The following C8orf34 variants were observed in gnomAD, a reference collection of about 807,000 sequenced individuals.
C8orf34 encodes uncharacterized protein C8orf34.
C8orf34 carries 65 observed loss-of-function variants against 68.3 expected under a neutral mutation model. That is an observed-to-expected ratio of 0.95 (90% confidence interval 0.78 to 1.17). C8orf34 has a LOEUF of 1.17. C8orf34 is among the 50% of genes most tolerant of loss of function. C8orf34 has a pLI of 0.00. For synonymous variants in C8orf34, 244 were observed against 241.2 expected (o/e 1.01, Z -0.11); for missense variants, 664 against 655.4 (o/e 1.01, Z -0.14).
chr8:68,553,394 A>AAAAAAC (rs576800135), intron 7 of C8orf34, among the ~76,000 whole-genome samples: 49 of 102,118 alleles, frequency 4.8e-4, no homozygotes, highest in East Asian at 1.5e-3. Flanking sequence ...CAAAAAAAAA[A>AAAAAAC]AAAAAAAAAA....
At chr8:68,806,115 C>A (rs962509504) in intron 12 of C8orf34, among the ~76,000 whole-genome samples, 1 of 151,986 alleles carries the variant, frequency 6.6e-6, no homozygotes, top group Admixed American at 6.6e-5. Flanking sequence ...AAATGTTTAG[C>A]TTTGTATCTC....
chr8:68,632,001 A>G (rs1292224188), intron 7 of C8orf34, among the ~76,000 whole-genome samples: 1 of 152,192 alleles, frequency 6.6e-6, no homozygotes, highest in Non-Finnish European at 1.5e-5. Flanking sequence ...GCCTAAAGAT[A>G]CCTAAAAATG....
Position 68,378,350 on chromosome 8 carries a change from C to G in C8orf34, c.327+47011C>G, listed in dbSNP as rs531674763. On this transcript the variant is annotated intron_variant, in intron 1 of 13. Transcript: ENST00000518698. ...TTCTTTCTTATTTTTGAGACAGAGT[C>G]TCACTCCAGATTGGAGTGGAGTGGT... Among the ~76,000 whole-genome samples the G allele has an allele frequency of 8.7e-4, 133 of 152,080 alleles. 1 individual carries two copies. The highest frequency in any genetic ancestry group is 1.7e-3 in the Non-Finnish European group (118 of 68,022).
chr8:68,365,595 C>T lies in C8orf34; in HGVS notation c.327+34256C>T, dbSNP rs1394297721. On this transcript the variant is annotated intron_variant, in intron 1 of 13. Transcript: ENST00000518698. Reference sequence around the variant, plus strand: ...TGGGATGCAAGGCTGGTTCAATATACGCAAATCAATAAATGTAATCCAGCA... The same window carrying T: ...TGGGATGCAAGGCTGGTTCAATATATGCAAATCAATAAATGTAATCCAGCA... Among the ~76,000 whole-genome samples the T allele has an allele frequency of 5.7e-4, 37 of 64,746 alleles. 1 individual carries two copies. Among genetic ancestry groups the T allele is most frequent in the East Asian group, 4.9e-3 (15 of 3,034 alleles). The allele number at this position is 64,746 out of a possible 152,430, so 42.5% of individuals were successfully genotyped here. A position where few individuals can be genotyped will look rare whatever the true frequency, so the allele number is the denominator to read the frequency against.
chr8:68,618,145 G>A (rs183136447), intron 7 of C8orf34, among the ~76,000 whole-genome samples: 9 of 151,866 alleles, frequency 5.9e-5, no homozygotes, highest in Admixed American at 5.2e-4. Flanking sequence ...TAATTTTAAG[G>A]GATGTTTAAA....
intron 11 of C8orf34, among the ~76,000 whole-genome samples, chr8:68,779,763 A>G (rs1320742503): frequency 1.3e-5 from 2 of 152,206 alleles, no homozygotes; most frequent in Non-Finnish European, 2.9e-5. Context: ...ACGTTTTATC[A>G]TTCACGAAGG....
chr8:68,528,683 G>A (rs886547873), intron 6 of C8orf34, among the ~76,000 whole-genome samples: 4 of 152,126 alleles, frequency 2.6e-5, no homozygotes, highest in Non-Finnish European at 5.9e-5. Flanking sequence ...GGTGCTACCC[G>A]GCAATGCAGC....
chr8:68,500,699 G>T (rs1475775988), intron 5 of C8orf34, among the ~76,000 whole-genome samples: 3 of 152,046 alleles, frequency 2.0e-5, no homozygotes, highest in African/African-American at 7.2e-5. Flanking sequence ...AAATGGTAGG[G>T]CAAAGTGTCA....
chr8:68,543,616 G>C (rs1815771914), intron 7 of C8orf34, among the ~76,000 whole-genome samples: 2 of 152,108 alleles, frequency 1.3e-5, no homozygotes, highest in Non-Finnish European at 2.9e-5. Flanking sequence ...AATTTACCCA[G>C]ATTACATAGT....
intron 8 of C8orf34, among the ~76,000 whole-genome samples, chr8:68,678,302 C>A (rs895296545): frequency 2.0e-5 from 3 of 152,098 alleles, no homozygotes; most frequent in African/African-American, 7.2e-5. Flanking sequence ...CAACTATACA[C>A]CAATATCTCT....
chr8:68,640,281 TAAC>T (rs1298797303), intron 7 of C8orf34, 92 bp from the exon 8 acceptor site: 2 of 1,178,508 alleles, frequency 1.7e-6, no homozygotes, highest in African/African-American at 1.5e-5. Context: ...TTGTTTTGCT[TAAC>T]AAACTAATGG....
intron 10 of C8orf34, among the ~76,000 whole-genome samples, chr8:68,725,233 A>C (rs1821795882): frequency 6.6e-6 from 1 of 152,208 alleles, no homozygotes. Flanking sequence ...GAAGATAATT[A>C]AGAAAGACCA....
At chr8:68,792,984 C>A (rs1041206567) in intron 12 of C8orf34, among the ~76,000 whole-genome samples, 1 of 151,770 alleles carries the variant, frequency 6.6e-6, no homozygotes, top group African/African-American at 2.4e-5. Flanking sequence ...TGTATACATA[C>A]ACAAACATAC....
intron 7 of C8orf34, among the ~76,000 whole-genome samples, chr8:68,559,760 G>C (rs1191774858): frequency 6.6e-6 from 1 of 152,152 alleles, no homozygotes; most frequent in Non-Finnish European, 1.5e-5. Context: ...AATTTGAGAA[G>C]GGAGTCGGTT....
intron 8 of C8orf34, among the ~76,000 whole-genome samples, chr8:68,654,463 C>G (rs1032626889): frequency 2.0e-5 from 3 of 152,018 alleles, no homozygotes; most frequent in African/African-American, 7.2e-5. Context: ...ATTTACTTTC[C>G]TCCTCTAGAT....
chr8:68,610,117 A>G (rs1473966707), intron 7 of C8orf34, among the ~76,000 whole-genome samples: 1 of 152,200 alleles, frequency 6.6e-6, no homozygotes, highest in Non-Finnish European at 1.5e-5. Context: ...ATACTTATGT[A>G]ATTTTGAGAT....
At chr8:68,697,872 G>T (rs539131438) in intron 8 of C8orf34, among the ~76,000 whole-genome samples, 16 of 152,074 alleles carry the variant, frequency 1.1e-4, no homozygotes, top group Non-Finnish European at 1.6e-4. Context: ...ATTCCCCCTC[G>T]GGGGAGCCTT....
chr8:68,376,108 A>G (rs974633879), intron 1 of C8orf34, among the ~76,000 whole-genome samples: 1 of 152,046 alleles, frequency 6.6e-6, no homozygotes, highest in Non-Finnish European at 1.5e-5. Context: ...TTGTATCTCC[A>G]TGGCCTAGAA....
chr8:68,661,430 G>A (rs1819676492), intron 8 of C8orf34, among the ~76,000 whole-genome samples: 1 of 152,182 alleles, frequency 6.6e-6, no homozygotes, highest in African/African-American at 2.4e-5. Flanking sequence ...GCTAGTTCCG[G>A]GTTCTTGTCT....
Sources: gnomAD v4.1 joint callset for allele counts (sites outside exome capture counted in the v4.1 genomes callset) on GRCh38, gnomAD v4.1.1 for gene constraint, MANE v1.5 for transcripts, NCBI Gene and HGNC (gene_info 2026-07-23, HGNC 2026-07-21) for gene names.